Variants in RBFOX3 observed in about 807,000 individuals in gnomAD.
RBFOX3 encodes RNA binding protein fox-1 homolog 3.
A neutral mutation model predicts 48.7 loss-of-function variants in RBFOX3; 17 were observed. The observed-to-expected ratio is 0.35, with a 90% CI of 0.24 to 0.52. The LOEUF is 0.52. Among genes scored for constraint, RBFOX3 ranks in the 20% least tolerant of loss-of-function variants. The probability of loss-of-function intolerance (pLI) is 0.94; values close to 1 mark genes in which losing one functional copy is unlikely to be tolerated. For missense variants in RBFOX3, 382 were observed against 497.5 expected, an observed-to-expected ratio of 0.77 and a Z score of 2.21; for synonymous variants, 212 against 209.5, an observed-to-expected ratio of 1.01 and a Z score of -0.10.
At chr17:79,316,375 C>T (rs909592495) in intron 2 of RBFOX3, among the ~76,000 whole-genome samples, 1 of 152,230 alleles carries the variant, frequency 6.6e-6, no homozygotes, top group East Asian at 1.9e-4. Context: ...AGGCTGTGGT[C>T]GGTGCTGTCC....
chr17:79,582,904 C>T (rs996827071), intron 1 of RBFOX3, among the ~76,000 whole-genome samples: 5 of 151,954 alleles, frequency 3.3e-5, no homozygotes, highest in East Asian at 1.9e-4. Flanking sequence ...CTGAGGGCCT[C>T]GTTCAGGCCT....
intron 1 of RBFOX3, among the ~76,000 whole-genome samples, chr17:79,490,722 G>C (rs2080360547): frequency 6.7e-6 from 1 of 148,224 alleles, no homozygotes; most frequent in African/African-American, 2.5e-5. Context: ...CTGCAGTGTA[G>C]AGAGAGAGAG....
chr17:79,112,426 G>A (rs1294791385), intron 5 of RBFOX3, among the ~76,000 whole-genome samples: 1 of 152,204 alleles, frequency 6.6e-6, no homozygotes, highest in African/African-American at 2.4e-5. Context: ...CTCCTCGGGG[G>A]AGGAGGAGCA....
chr17:79,323,154 T>C (rs2078797337), intron 2 of RBFOX3, among the ~76,000 whole-genome samples: 1 of 152,206 alleles, frequency 6.6e-6, no homozygotes, highest in Non-Finnish European at 1.5e-5. Flanking sequence ...AGATTATTGA[T>C]ATTCTGATCC....
At chr17:79,106,610 C>A in intron 6 of RBFOX3, 41 bp downstream of exon 6, 1 of 1,415,186 alleles carries the variant, frequency 7.1e-7, no homozygotes, top group Non-Finnish European at 9.2e-7. Flanking sequence ...GGAGCTGGGG[C>A]AGGTGTGGAG....
chr17:79,201,177 C>A (rs1403966741), intron 4 of RBFOX3, among the ~76,000 whole-genome samples: 2 of 152,194 alleles, frequency 1.3e-5, no homozygotes, highest in Non-Finnish European at 2.9e-5. Flanking sequence ...ACACCAGAGG[C>A]CTCAGCATTG....
intron 1 of RBFOX3, among the ~76,000 whole-genome samples, chr17:79,505,736 G>T (rs1055526827): frequency 6.6e-6 from 1 of 152,326 alleles, no homozygotes; most frequent in Non-Finnish European, 1.5e-5. Flanking sequence ...GTGCTGCACT[G>T]CTCTGATGGT....
intron 1 of RBFOX3, among the ~76,000 whole-genome samples, chr17:79,505,802 C>T (rs1463358537): frequency 3.9e-5 from 6 of 152,218 alleles, no homozygotes; most frequent in Admixed American, 3.3e-4. Flanking sequence ...TGATCTCTAT[C>T]GCTGCTATTA....
chr17:79,114,837 G>A (rs1260010981), intron 5 of RBFOX3, among the ~76,000 whole-genome samples: 1 of 152,142 alleles, frequency 6.6e-6, no homozygotes, highest in East Asian at 1.9e-4. Context: ...GTGGGTGGAG[G>A]CAGGGCCTGG....
intron 4 of RBFOX3, among the ~76,000 whole-genome samples, chr17:79,159,620 C>CA (rs1436169808): frequency 6.6e-6 from 1 of 152,208 alleles, no homozygotes; most frequent in Non-Finnish European, 1.5e-5. Flanking sequence ...CTCACACACT[C>CA]AGAGTTCAAC....
intron 3 of RBFOX3, among the ~76,000 whole-genome samples, chr17:79,303,966 G>T (rs535392627): frequency 2.6e-5 from 4 of 152,104 alleles, no homozygotes; most frequent in African/African-American, 7.2e-5. Flanking sequence ...TGCACCACCC[G>T]CTATGGAGCT....
chr17:79,492,665 T>C (rs2080864183), intron 1 of RBFOX3, among the ~76,000 whole-genome samples: 1 of 152,172 alleles, frequency 6.6e-6, no homozygotes, highest in South Asian at 2.1e-4. Flanking sequence ...TCAGAAACCA[T>C]GAGCTAATAA....
chr17:79,499,408 T>C (rs1034110347), intron 1 of RBFOX3, among the ~76,000 whole-genome samples: 9 of 151,632 alleles, frequency 5.9e-5, no homozygotes, highest in East Asian at 3.9e-4. Flanking sequence ...CATCCATCCA[T>C]GCATCCAACC....
chr17:79,511,012 G>C (rs2084090017), intron 1 of RBFOX3, among the ~76,000 whole-genome samples: 1 of 152,164 alleles, frequency 6.6e-6, no homozygotes, highest in East Asian at 1.9e-4. Flanking sequence ...AAAATCTGAG[G>C]CTGCCCCCCA....
chr17:79,466,027 C>T (rs2076270540), intron 2 of RBFOX3, among the ~76,000 whole-genome samples: 1 of 152,222 alleles, frequency 6.6e-6, no homozygotes, highest in Admixed American at 6.5e-5. Flanking sequence ...TCTCCATATC[C>T]ACATCCAAGG....
At chr17:79,615,369 G>A (rs1206686312), upstream of RBFOX3, among the ~76,000 whole-genome samples, 1 of 152,146 alleles carries the variant, frequency 6.6e-6, no homozygotes, top group South Asian at 2.1e-4. Context: ...AGAGGGCAAT[G>A]AGGGATGGAA....
At chr17:79,510,424 C>G (rs990041029) in intron 1 of RBFOX3, among the ~76,000 whole-genome samples, 4 of 152,226 alleles carry the variant, frequency 2.6e-5, no homozygotes, top group African/African-American at 9.6e-5. Context: ...CCACCCTACC[C>G]TCAGACGACA....
intron 1 of RBFOX3, among the ~76,000 whole-genome samples, chr17:79,549,552 G>A (rs1555792976): frequency 6.6e-6 from 1 of 152,270 alleles, no homozygotes; most frequent in Non-Finnish European, 1.5e-5. Flanking sequence ...ATTTGTGTCT[G>A]TGTCAAAGTG....
intron 2 of RBFOX3, among the ~76,000 whole-genome samples, chr17:79,438,400 C>T (rs987656575): frequency 6.6e-6 from 1 of 152,252 alleles, no homozygotes; most frequent in Non-Finnish European, 1.5e-5. Flanking sequence ...CTGTAAGCTA[C>T]TCTTTTCCCT....
Sources: allele counts gnomAD v4.1 joint callset (sites outside exome capture counted in the v4.1 genomes callset), GRCh38; gene constraint gnomAD v4.1.1; transcripts MANE v1.5; gene names NCBI Gene and HGNC (gene_info 2026-07-23, HGNC 2026-07-21).